Variants in CCNC observed in about 807,000 individuals in gnomAD.
CCNC encodes cyclin C.
In CCNC, 19 loss-of-function variants were observed where a neutral mutation model predicts 50.0. The ratio of observed to expected loss-of-function variants is 0.38; its 90% CI spans 0.27 to 0.56. The LOEUF is 0.56. Ranked by LOEUF, CCNC falls within the 20% of genes least tolerant of loss-of-function variation. The probability of loss-of-function intolerance (pLI) is 0.72; values close to 1 mark genes in which losing one functional copy is unlikely to be tolerated. For missense variants in CCNC, 200 were observed against 327.1 expected, an observed-to-expected ratio of 0.61 and a Z score of 3.00; for synonymous variants, 93 against 103.7, an observed-to-expected ratio of 0.90 and a Z score of 0.63.
chr6:99,564,275 A>G (rs1188371905), intron 1 of CCNC, among the ~76,000 whole-genome samples: 1 of 152,120 alleles, frequency 6.6e-6, no homozygotes, highest in Non-Finnish European at 1.5e-5. Flanking sequence ...AATTACAAAA[A>G]TTAGCTGGAC....
rs190134747 is a variant in CCNC, at chr6:99,549,076, T to C, written c.598+432A>G. On this transcript the variant is annotated intron_variant, in intron 9 of 11. Transcript: ENST00000520429. ...GCACTGCTTTCCACAGACTGTAGAA[T>C]GAATGTACTTAACGTCTTCCTCCAG... Among the ~76,000 whole-genome samples, 383 of 151,940 alleles carry C rather than the reference T, an allele frequency of 2.5e-3. 3 individuals are homozygous for C. The highest frequency in any genetic ancestry group is 8.9e-3 in the African/African-American group (367 of 41,270).
Position 99,546,437 on chromosome 6 carries a change from A to G in CCNC, c.636T>C (p.Asp212=). 1.2e-6 allele frequency: 2 copies of G among 1,613,768 alleles called. No homozygotes were observed. The highest frequency in any genetic ancestry group is 1.7e-6 in the Non-Finnish European group (2 of 1,179,652). The change falls in exon 10 of 12, where the codon GAT becomes GAC. Residue 212 remains aspartate, a synonymous_variant. Transcript: ENST00000520429. ...LHVACVVQQK[D]ARQWFAELSV... The stretch of plus-strand genomic sequence containing the variant: ...AAAGCTCAGCAAACCATTGCCTGGC[A>G]TCTTTCTGCTGTACAACACAGGCTA...
intron 11 of CCNC, chr6:99,544,284 TG>T (rs1262602114): frequency 6.5e-7 from 1 of 1,534,774 alleles, no homozygotes; most frequent in African/African-American, 1.4e-5. Flanking sequence ...CTGCAAAAAA[TG>T]CATCCAAAGG....
chr6:99,543,731 C>T, intron 11 of CCNC, 122 bp from the exon 12 acceptor site: 2 of 1,491,248 alleles, frequency 1.3e-6, no homozygotes, highest in Non-Finnish European at 1.8e-6. Context: ...CAAAGACATT[C>T]CTCATTATAA....
At chr6:99,561,558 A>T in intron 3 of CCNC, 39 bp downstream of exon 3, 2 of 1,447,044 alleles carry the variant, frequency 1.4e-6, no homozygotes, top group Non-Finnish European at 1.9e-6. Flanking sequence ...CATCAACATT[A>T]GATAAGAGTT....
intron 7 of CCNC, 52 bp downstream of exon 7, chr6:99,550,941 T>C (rs184368587): frequency 1.1e-6 from 1 of 904,304 alleles, no homozygotes; most frequent in Admixed American, 3.0e-5. Flanking sequence ...AATTTCCAAC[T>C]TCATTTAATT....
intron 1 of CCNC, chr6:99,568,197 C>A (rs1769235013): frequency 1.9e-5 from 9 of 463,736 alleles, no homozygotes; most frequent in South Asian, 1.8e-4. Flanking sequence ...CTCTATCCGA[C>A]CCCCCGCGGC....
At chr6:99,549,670 C>T in intron 8 of CCNC, 95 bp from the exon 9 acceptor site, 1 of 773,136 alleles carries the variant, frequency 1.3e-6, no homozygotes, top group East Asian at 2.7e-5. Context: ...CATCTTTGCA[C>T]ACATTTATTT....
At chr6:99,551,775 A>G in intron 6 of CCNC, 65 bp downstream of exon 6, 2 of 992,340 alleles carry the variant, frequency 2.0e-6, no homozygotes, top group Non-Finnish European at 2.8e-6. Flanking sequence ...AATTTAGTCT[A>G]ATATAAAATA....
At chr6:99,545,940 A>T (rs1046445689) in intron 10 of CCNC, among the ~76,000 whole-genome samples, 9 of 152,100 alleles carry the variant, frequency 5.9e-5, no homozygotes, top group Non-Finnish European at 1.0e-4. Flanking sequence ...GAGATACATA[A>T]CTTAAATAAT....
intron 2 of CCNC, 190 bp from the exon 3 acceptor site, chr6:99,561,871 G>A (rs1339616612): frequency 5.2e-6 from 2 of 384,176 alleles, no homozygotes; most frequent in Admixed American, 8.6e-5. Context: ...AAATATATAG[G>A]TATGCATAAA....
chr6:99,562,776 C>T (rs530283501), intron 2 of CCNC, 66 bp downstream of exon 2: 13 of 885,768 alleles, frequency 1.5e-5, no homozygotes, highest in South Asian at 4.9e-5. Context: ...CAAATTACCA[C>T]ACAAAAACAT....
intron 1 of CCNC, among the ~76,000 whole-genome samples, chr6:99,567,904 C>T (rs956575756): frequency 1.3e-5 from 2 of 152,136 alleles, no homozygotes; most frequent in Non-Finnish European, 2.9e-5. Context: ...ATATAAAGCA[C>T]AGGCTAATGA....
At chr6:99,545,298 C>T in intron 10 of CCNC, 68 bp from the exon 11 acceptor site, 3 of 770,408 alleles carry the variant, frequency 3.9e-6, no homozygotes, top group African/African-American at 1.7e-5. Flanking sequence ...AAAGAGCATA[C>T]ATCACTACAC....
chr6:99,567,890 CAA>C (rs1377022703), intron 1 of CCNC, among the ~76,000 whole-genome samples: 1 of 152,088 alleles, frequency 6.6e-6, no homozygotes, highest in Non-Finnish European at 1.5e-5. Flanking sequence ...GCCTTTAAAA[CAA>C]AATATAAAGC....
chr6:99,558,266 T>C (rs913530815), intron 5 of CCNC: 4 of 491,918 alleles, frequency 8.1e-6, no homozygotes, highest in Non-Finnish European at 1.3e-5. Flanking sequence ...GTTTTTGGAT[T>C]GATAATTACT....
intron 4 of CCNC, 75 bp from the exon 5 acceptor site, chr6:99,558,623 C>T (rs1802646160): frequency 7.3e-7 from 1 of 1,368,254 alleles, no homozygotes; most frequent in Non-Finnish European, 9.9e-7. Flanking sequence ...AACAGGATTT[C>T]CTTGCTCCTG....
intron 5 of CCNC, among the ~76,000 whole-genome samples, chr6:99,554,134 A>G (rs1802420603): frequency 6.6e-6 from 1 of 151,848 alleles, no homozygotes; most frequent in African/African-American, 2.4e-5. Flanking sequence ...TATTTTGTCA[A>G]ATGCCCCTCT....
Position 99,550,238 on chromosome 6 carries a change from G to A in CCNC, c.510C>T (p.Asp170=), listed in dbSNP as rs1429308977. ...ATTACCATGCAAGGGGAAGCAACAT[G>A]TCTTCTTGGCCCATGTCCTGCACAT... ...LQYVQDMGQE[D]MLLPLAWRIV... is the part of the protein sequence containing the mutation. Residue 170 remains aspartate, a synonymous_variant, in exon 8 of 12, where the codon GAC becomes GAT. Transcript: ENST00000520429. 6.2e-7 allele frequency: 1 copy of A among 1,611,946 alleles called. No individual in the cohort carries two copies. The highest frequency in any genetic ancestry group is 8.5e-7 in the Non-Finnish European group (1 of 1,178,588).
Sources: gnomAD v4.1 joint callset for allele counts (sites outside exome capture counted in the v4.1 genomes callset) on GRCh38, gnomAD v4.1.1 for gene constraint, MANE v1.5 for transcripts, NCBI Gene and HGNC (gene_info 2026-07-23, HGNC 2026-07-21) for gene names.